CRB3: variants seen among roughly 807,000 people sequenced by gnomAD.
The protein encoded by CRB3 is protein crumbs homolog 3.
CRB3 carries 4 observed loss-of-function variants against 10.4 expected under a neutral mutation model. That is an observed-to-expected ratio of 0.39 (90% CI 0.19 to 0.88). CRB3 has a LOEUF of 0.88. Among genes scored for constraint, CRB3 ranks in the 40% least tolerant of loss-of-function variants. The pLI, the probability that CRB3 is intolerant of heterozygous loss-of-function variation, is 0.39. For missense variants in CRB3, 154 were observed against 160.2 expected (o/e 0.96, Z 0.21); for synonymous variants, 74 against 73.4 (o/e 1.01, Z -0.04).
At position 6,464,786 on chromosome 19, in the gene CRB3, A is replaced by AGGT. The variant is rs2092786545; in HGVS notation, c.82+4_82+6dup. The AGGT allele has an allele frequency of 1.6e-6, 2 of 1,265,694 alleles. No individual in the cohort carries two copies. The highest frequency in any genetic ancestry group is 7.2e-5 in the Admixed American group (2 of 27,606). The allele number at this position is 1,265,694 out of a possible 1,614,324, so 78.4% of individuals were successfully genotyped here. The stretch of plus-strand genomic sequence containing the variant: ...CTGGGGCCGAGCCTGGGGGCAAAGT[A>AGGT]GGTACCAGCTGAGAGCGCTGGGGGG... On this transcript the variant is annotated splice_donor_region_variant and intron_variant, in intron 2 of 3. Transcript: ENST00000600229. This position sits in a 1 kb window ranked among gnomAD's most constrained non-coding sequence, Gnocchi z 5.3.
Position 6,467,132 on chromosome 19 carries a change from A to G in CRB3, c.*460A>G. Reference sequence around the variant, plus strand: ...AGTGCTTAATAGCAGGGAAGAAGGTACTTCAAAGACTCTGCCCCTGAGGTC... The same window carrying G: ...AGTGCTTAATAGCAGGGAAGAAGGTGCTTCAAAGACTCTGCCCCTGAGGTC... On this transcript the variant is annotated 3_prime_UTR_variant, in exon 4 of 4. Coordinates refer to ENST00000600229, the MANE Select transcript of CRB3 (RefSeq NM_139161.5). 1 of 919,642 alleles carries G rather than the reference A, an allele frequency of 1.1e-6. No homozygotes were observed. Among genetic ancestry groups the G allele is most frequent in the South Asian group, 1.5e-5 (1 of 64,742 alleles). The allele number at this position is 919,642 out of a possible 1,614,324, so 57.0% of individuals were successfully genotyped here.
At chr19:6,464,141 CG>C (rs2092783867), upstream of CRB3, 1 of 146,792 alleles carries the variant, frequency 6.8e-6, no homozygotes, top group African/African-American at 2.7e-5. The surrounding 1 kb of genome is among the most constrained non-coding windows in gnomAD (Gnocchi z 5.3). Flanking sequence ...GCCCACAGCG[CG>C]GCCCCGCCCC....
In CRB3 at chr19:6,465,746, T is replaced by C; in HGVS notation, c.156+128T>C. On this transcript the variant is annotated intron_variant, in intron 3 of 3. Transcript: ENST00000600229. ...GCAGGTCAGGGTGGCTTTGGAGAGCTCTAAGTAGGAGAGACCTGAAGTCTT... is the reference window on the plus strand; with the variant it reads ...GCAGGTCAGGGTGGCTTTGGAGAGCCCTAAGTAGGAGAGACCTGAAGTCTT... 3 of 803,120 alleles carry C rather than the reference T, an allele frequency of 3.7e-6. No homozygotes were observed. The Admixed American group carries it at 5.3e-5, about 14-fold the overall frequency. The allele number at this position is 803,120 out of a possible 1,614,324, so 49.7% of individuals were successfully genotyped here. A position where few individuals can be genotyped will look rare whatever the true frequency, so the allele number is the denominator to read the frequency against.
In CRB3 at chr19:6,466,631, A is replaced by T. The variant is rs760751071; in HGVS notation, c.322A>T (p.Thr108Ser). 6.2e-7 allele frequency: 1 copy of T among 1,602,992 alleles called. No individual in the cohort carries two copies. Among genetic ancestry groups the T allele is most frequent in the Non-Finnish European group, 8.5e-7 (1 of 1,179,730 alleles). Residue 108 changes from threonine (T) to serine (S), a missense_variant, in exon 4 of 4, where the codon ACC becomes TCC. Coordinates refer to ENST00000600229, the MANE Select transcript of CRB3 (RefSeq NM_139161.5). This position sits in a 1 kb window ranked among gnomAD's most constrained non-coding sequence, Gnocchi z 4.9. ...GCAGGTGGGTGCCCGCGTGCCACCG[A>T]CCCCCAACCTCAAGTTGCCGCCGGA... ...EEQVGARVPP[T>S]PNLKLPPEER...
Position 6,464,660 on chromosome 19 carries a change from G to A in CRB3, c.-42G>A. On this transcript the variant is annotated 5_prime_UTR_variant, in exon 2 of 4. Transcript: ENST00000600229. This position sits in a 1 kb window ranked among gnomAD's most constrained non-coding sequence, Gnocchi z 5.3. ...GAGATGCGGTAGGAGGGGCGAGCGC[G>A]AGAAGCCCCTTCCTCGGCGCTGCCA... is the stretch of plus-strand genomic sequence containing the variant. 1.7e-6 allele frequency: 2 copies of A among 1,179,014 alleles called. No individual in the cohort carries two copies. 73.0% of individuals were successfully genotyped at this position (1,179,014 alleles called of 1,614,324 possible).
chr19:6,463,911 C>A (rs1036920600), upstream of CRB3: 2 of 152,274 alleles, frequency 1.3e-5, no homozygotes, highest in African/African-American at 4.8e-5. Flanking sequence ...AGCCATTGCG[C>A]CTGGGCAGGT....
chr19:6,464,799 G>T lies in CRB3; in HGVS notation c.82+16G>T. On this transcript the variant is annotated intron_variant, in intron 2 of 3. Transcript: ENST00000600229. The surrounding 1 kb of genome is among the most constrained non-coding windows in gnomAD (Gnocchi z 5.3). ...TGGGGGCAAAGTAGGTACCAGCTGA[G>T]AGCGCTGGGGGGGAGGGGTCTGGAT... 1 of 1,249,844 alleles carries T rather than the reference G, an allele frequency of 8.0e-7. No homozygotes were observed. The allele number at this position is 1,249,844 out of a possible 1,614,324, so 77.4% of individuals were successfully genotyped here.
rs367874450 is a variant in CRB3, at chr19:6,465,557, C to T, written c.95C>T (p.Ser32Phe). The change falls in exon 3 of 4, where the codon TCT becomes TTT. Residue 32 changes from serine to phenylalanine, a missense_variant. Transcript: ENST00000600229. The stretch of plus-strand genomic sequence containing the variant: ...TCACCCTCCACAGTACAGACCACTT[C>T]TGCAAATGAGAATAGCACTGTTTTG... The part of the protein sequence containing the change: ...GRAWGQIQTT[S>F]ANENSTVLPS... The T allele has an allele frequency of 1.1e-5, 17 of 1,613,856 alleles. No individual in the cohort carries two copies. Among genetic ancestry groups the T allele is most frequent in the Non-Finnish European group, 1.4e-5 (16 of 1,179,842 alleles).
Position 6,466,577 on chromosome 19 carries a change from G to C in CRB3, c.268G>C (p.Glu90Gln), listed in dbSNP as rs767631386. The C allele has an allele frequency of 1.9e-6, 3 of 1,610,364 alleles. No homozygotes were observed. Among genetic ancestry groups the C allele is most frequent in the Non-Finnish European group, 2.5e-6 (3 of 1,180,006 alleles). ...VRKLREKRQT[E>Q]GTYRPSSEEQ... is the part of the protein sequence containing the mutation. ...GAAGCTTCGGGAGAAGCGGCAGACG[G>C]AGGGCACCTACCGGCCCAGTAGCGA... Residue 90 changes from glutamate (E) to glutamine (Q), a missense_variant, in exon 4 of 4, where the codon GAG (glutamate) becomes CAG (glutamine). Physicochemically the swap from Glu to Gln is conservative, Grantham distance 29. Transcript: ENST00000600229. The surrounding 1 kb of genome is among the most constrained non-coding windows in gnomAD (Gnocchi z 4.9).
At chr19:6,465,324 G>A (rs2092789019) in intron 2 of CRB3, 1 of 595,090 alleles carries the variant, frequency 1.7e-6, no homozygotes, top group East Asian at 2.8e-5. Context: ...CACCCTACTG[G>A]GCTCTGCGGG....
chr19:6,467,052 TTG>T lies in CRB3; in HGVS notation c.*381_*382del. 6.2e-7 allele frequency: 1 copy of T among 1,600,906 alleles called. No homozygotes were observed. The highest frequency in any genetic ancestry group is 8.6e-7 in the Non-Finnish European group (1 of 1,168,706). ...CCTCTCCTGCATCTGTCTCCCTTCA[TTG>T]CTGTGTGACCTTGGGGAAAGGCAGT... On this transcript the variant is annotated 3_prime_UTR_variant, in exon 4 of 4. Coordinates refer to ENST00000600229, the MANE Select transcript of CRB3 (RefSeq NM_139161.5).
chr19:6,465,635 T>C lies in CRB3; in HGVS notation c.156+17T>C. On this transcript the variant is annotated intron_variant, in intron 3 of 3. Coordinates refer to ENST00000600229, the MANE Select transcript of CRB3 (RefSeq NM_139161.5). ...GGCAACCTGGTGAGTTGGAGGTATATGTGGGAAGATGGCAGCAAGGATGTT... is the reference window on the plus strand; with the variant it reads ...GGCAACCTGGTGAGTTGGAGGTATACGTGGGAAGATGGCAGCAAGGATGTT... 1 of 1,600,228 alleles carries C rather than the reference T, an allele frequency of 6.2e-7. No homozygotes were observed. The highest frequency in any genetic ancestry group is 8.6e-7 in the Non-Finnish European group (1 of 1,167,456).
Position 6,466,358 on chromosome 19 carries a change from T to G in CRB3, c.157-108T>G. 2 of 636,486 alleles carry G rather than the reference T, an allele frequency of 3.1e-6. No individual in the cohort carries two copies. Among genetic ancestry groups the G allele is most frequent in the Non-Finnish European group, 5.2e-6 (2 of 380,960 alleles). The allele number at this position is 636,486 out of a possible 1,614,324, so 39.4% of individuals were successfully genotyped here. A position where few individuals can be genotyped will look rare whatever the true frequency, so the allele number is the denominator to read the frequency against. ...TCACCAAAAGTGGCAGATGTGTGTA[T>G]GTGTGTGTGTGTGTTGTGGGGTAGG... On this transcript the variant is annotated intron_variant, in intron 3 of 3. Transcript: ENST00000600229. This position sits in a 1 kb window ranked among gnomAD's most constrained non-coding sequence, Gnocchi z 4.9.
rs751806277 is a variant in CRB3, at chr19:6,467,043, C to T, written c.*371C>T. On this transcript the variant is annotated 3_prime_UTR_variant, in exon 4 of 4. Coordinates refer to ENST00000600229, the MANE Select transcript of CRB3 (RefSeq NM_139161.5). ...TCTAGGTCCCCTCTCCTGCATCTGT[C>T]TCCCTTCATTGCTGTGTGACCTTGG... The T allele has an allele frequency of 3.1e-6, 5 of 1,608,082 alleles. No homozygotes were observed. The South Asian group carries it at 5.5e-5, about 18-fold the overall frequency.
At position 6,466,437 on chromosome 19, in the gene CRB3, G is replaced by T. The variant is rs745554939; in HGVS notation, c.157-29G>T. ...GAGGTGGACAGGCTACCCAGGCTCA[G>T]GTGATTCACACCTGTCCCCTCTCTG... On this transcript the variant is annotated intron_variant, in intron 3 of 3. Transcript: ENST00000600229. The surrounding 1 kb of genome is among the most constrained non-coding windows in gnomAD (Gnocchi z 4.9). 1.2e-6 allele frequency: 2 copies of T among 1,604,964 alleles called. No individual in the cohort carries two copies. Among genetic ancestry groups the T allele is most frequent in the Non-Finnish European group, 1.7e-6 (2 of 1,173,302 alleles).
chr19:6,466,597 T>C lies in CRB3; in HGVS notation c.288T>C (p.Ser96=). ...KRQTEGTYRP[S]SEEQVGARVP... is the part of the protein sequence containing the mutation. ...AGACGGAGGGCACCTACCGGCCCAG[T>C]AGCGAGGAGCAGGTGGGTGCCCGCG... The change falls in exon 4 of 4, where the codon AGT becomes AGC. Residue 96 remains serine (S), a synonymous_variant. Coordinates refer to ENST00000600229, the MANE Select transcript of CRB3 (RefSeq NM_139161.5). This position sits in a 1 kb window ranked among gnomAD's most constrained non-coding sequence, Gnocchi z 4.9. 3 of 1,608,012 alleles carry C rather than the reference T, an allele frequency of 1.9e-6. No homozygotes were observed. The highest frequency in any genetic ancestry group is 1.7e-5 in the Admixed American group (1 of 60,022).
chr19:6,465,488 G>A, intron 2 of CRB3, 57 bp from the exon 3 acceptor site: 2 of 1,454,850 alleles, frequency 1.4e-6, no homozygotes, highest in Non-Finnish European at 1.9e-6. Flanking sequence ...GTGCAGATGG[G>A]CGGGGATGGG....
chr19:6,464,788 G>C lies in CRB3; in HGVS notation c.82+5G>C. The C allele has an allele frequency of 7.9e-7, 1 of 1,266,246 alleles. No individual in the cohort carries two copies. Among genetic ancestry groups the C allele is most frequent in the Non-Finnish European group, 1.0e-6 (1 of 1,003,828 alleles). The allele number at this position is 1,266,246 out of a possible 1,614,324, so 78.4% of individuals were successfully genotyped here. A position where few individuals can be genotyped will look rare whatever the true frequency, so the allele number is the denominator to read the frequency against. ...GGGGCCGAGCCTGGGGGCAAAGTAG[G>C]TACCAGCTGAGAGCGCTGGGGGGGA... On this transcript the variant is annotated splice_donor_5th_base_variant and intron_variant, in intron 2 of 3. Coordinates refer to ENST00000600229, the MANE Select transcript of CRB3 (RefSeq NM_139161.5). This position sits in a 1 kb window ranked among gnomAD's most constrained non-coding sequence, Gnocchi z 5.3.
Sources: gnomAD v4.1 joint callset for allele counts on GRCh38, gnomAD v4.1.1 for gene constraint, Gnocchi (gnomAD v3.1) non-coding constraint, MANE v1.5 for transcripts, NCBI Gene and HGNC (gene_info 2026-07-23, HGNC 2026-07-21) for gene names.